Variants in NAV3 observed in about 807,000 individuals in gnomAD.
The protein encoded by NAV3 is neuron navigator 3, also known as pore membrane and/or filament interacting like protein 1.
NAV3 carries 87 observed loss-of-function variants against 244.7 expected under a neutral mutation model. That is an observed-to-expected ratio of 0.36 (90% confidence interval 0.30 to 0.42). The LOEUF is 0.42. Among genes scored for constraint, NAV3 ranks in the 20% least tolerant of loss-of-function variants. The pLI, the probability that NAV3 is intolerant of heterozygous loss-of-function variation, is 1.00. For missense variants in NAV3, 2,663 were observed against 2,893.3 expected (o/e 0.92, Z 1.83); for synonymous variants, 1,126 against 1,042.2 (o/e 1.08, Z -1.55).
intron 22 of NAV3, among the ~76,000 whole-genome samples, chr12:78,156,528 T>C (rs1223657943): frequency 6.6e-6 from 1 of 152,112 alleles, no homozygotes; most frequent in Non-Finnish European, 1.5e-5. Context: ...TTAATTCATA[T>C]TAAATTGATA....
In NAV3 at chr12:78,122,538, A is replaced by G. The variant is rs966960505; in HGVS notation, c.4238+110A>G. 5 of 1,329,762 alleles carry G rather than the reference A, an allele frequency of 3.8e-6. No homozygotes were observed. The African/African-American group carries it at 7.3e-5, about 20-fold the overall frequency. The allele number at this position is 1,329,762 out of a possible 1,614,324, so 82.4% of individuals were successfully genotyped here. A position where few individuals can be genotyped will look rare whatever the true frequency, so the allele number is the denominator to read the frequency against. ...TTCACTGTGAGTGCCCCGGTGCAAA[A>G]AGATGTAAGACTGATGAAACCGGGC... On this transcript the variant is annotated intron_variant, in intron 16 of 39. Transcript: ENST00000397909.
intron 2 of NAV3, among the ~76,000 whole-genome samples, chr12:77,757,294 A>T (rs1203383899): frequency 6.6e-6 from 1 of 152,184 alleles, no homozygotes; most frequent in African/African-American, 2.4e-5. Flanking sequence ...TCAAGCCTGA[A>T]GATAACTTTA....
chr12:78,118,927 T>C (rs1955542647), intron 14 of NAV3, among the ~76,000 whole-genome samples: 1 of 152,246 alleles, frequency 6.6e-6, no homozygotes, highest in African/African-American at 2.4e-5. Flanking sequence ...ATGAATTCTT[T>C]TTCTAGTAAT....
intron 1 of NAV3, among the ~76,000 whole-genome samples, chr12:77,859,334 C>T (rs138520453): frequency 1.3e-5 from 2 of 152,096 alleles, no homozygotes; most frequent in Non-Finnish European, 2.9e-5. Flanking sequence ...CTACTGTAAA[C>T]GTGTTTCAGA....
chr12:77,595,155 CA>C (rs1326566183), intron 2 of NAV3, among the ~76,000 whole-genome samples: 2 of 151,860 alleles, frequency 1.3e-5, no homozygotes, highest in African/African-American at 4.8e-5. Flanking sequence ...GGAAATAACC[CA>C]AGTGTTCATT....
intron 2 of NAV3, among the ~76,000 whole-genome samples, chr12:77,721,834 G>A (rs1412445261): frequency 6.6e-6 from 1 of 152,082 alleles, no homozygotes; most frequent in East Asian, 1.9e-4. Context: ...TAAAATACAT[G>A]TGTCATTATT....
chr12:78,173,626 C>G (rs993672176), intron 24 of NAV3, among the ~76,000 whole-genome samples: 37 of 151,476 alleles, frequency 2.4e-4, no homozygotes, highest in Admixed American at 3.3e-4. Context: ...ATTAAAACCT[C>G]CTACATGAAA....
Position 77,859,567 on chromosome 12 carries a change from A to G in NAV3, c.243+27863A>G, listed in dbSNP as rs527862706. ...GCACCAGCATGGCACATGTATATGT[A>G]TGTTACTAACCTGCACAATGTGCAC... On this transcript the variant is annotated intron_variant, in intron 1 of 39. Coordinates refer to ENST00000397909, the MANE Select transcript of NAV3 (RefSeq NM_001024383.2). 2.2e-3 allele frequency among the ~76,000 whole-genome samples: 336 copies of G among 151,190 alleles called. 1 individual carries two copies. Among genetic ancestry groups the G allele is most frequent in the Non-Finnish European group, 4.0e-3 (270 of 67,784 alleles).
At chr12:77,905,597 A>G (rs1310995488) in intron 1 of NAV3, among the ~76,000 whole-genome samples, 3 of 151,966 alleles carry the variant, frequency 2.0e-5, no homozygotes, top group African/African-American at 7.2e-5. Context: ...TTTTCTTTCT[A>G]CATATTAAGT....
At chr12:78,034,561 T>A (rs1457554645) in intron 9 of NAV3, among the ~76,000 whole-genome samples, 1 of 152,218 alleles carries the variant, frequency 6.6e-6, no homozygotes, top group Non-Finnish European at 1.5e-5. Flanking sequence ...GGCATAAATA[T>A]TGCTTTTATT....
At chr12:78,155,447 C>A (rs1287336906) in intron 22 of NAV3, among the ~76,000 whole-genome samples, 1 of 152,004 alleles carries the variant, frequency 6.6e-6, no homozygotes, top group Non-Finnish European at 1.5e-5. Context: ...GATTTCATGT[C>A]TTTGCTATTG....
At chr12:78,061,581 A>C (rs1226351984) in intron 12 of NAV3, among the ~76,000 whole-genome samples, 2 of 152,114 alleles carry the variant, frequency 1.3e-5, no homozygotes, top group African/African-American at 4.8e-5. Context: ...TTTTTAAAAA[A>C]ATTACAGATA....
intron 28 of NAV3, 55 bp downstream of exon 28, chr12:78,177,740 A>C: frequency 2.0e-6 from 3 of 1,508,800 alleles, no homozygotes; most frequent in Non-Finnish European, 2.7e-6. Flanking sequence ...TAACCTAAGT[A>C]GTGTTTGCTT....
At chr12:78,160,944 T>G (rs1458378692) in intron 23 of NAV3, among the ~76,000 whole-genome samples, 1 of 150,028 alleles carries the variant, frequency 6.7e-6, no homozygotes, top group Non-Finnish European at 1.5e-5. Context: ...CCTTACACCC[T>G]TTCTTCCTTC....
intron 34 of NAV3, among the ~76,000 whole-genome samples, chr12:78,196,861 T>C (rs531493588): frequency 2.6e-5 from 4 of 152,090 alleles, no homozygotes; most frequent in East Asian, 1.9e-4. Flanking sequence ...AATTTACTTT[T>C]ATCATTGAAT....
intron 2 of NAV3, among the ~76,000 whole-genome samples, chr12:77,660,015 C>T (rs920298846): frequency 2.6e-5 from 4 of 151,046 alleles, no homozygotes; most frequent in African/African-American, 7.3e-5. Context: ...TGCTAGATGA[C>T]GAGTTAGTGG....
intron 2 of NAV3, among the ~76,000 whole-genome samples, chr12:77,792,437 T>C (rs1332734669): frequency 6.6e-6 from 1 of 152,150 alleles, no homozygotes; most frequent in East Asian, 1.9e-4. Context: ...ATGGTGGCCA[T>C]GAGTATGTGT....
chr12:77,623,675 C>G (rs186492322), intron 2 of NAV3, among the ~76,000 whole-genome samples: 9 of 152,248 alleles, frequency 5.9e-5, no homozygotes, highest in Non-Finnish European at 2.9e-5. Context: ...CTTGTTGTCT[C>G]GAAGAATACT....
chr12:77,904,642 AT>A (rs1322156712), intron 1 of NAV3, among the ~76,000 whole-genome samples: 5 of 151,942 alleles, frequency 3.3e-5, no homozygotes, highest in Non-Finnish European at 7.4e-5. Flanking sequence ...TTAAAGTATA[AT>A]TTTTTAAAAA....
Sources: gnomAD v4.1 joint callset for allele counts (sites outside exome capture counted in the v4.1 genomes callset) on GRCh38, gnomAD v4.1.1 for gene constraint, MANE v1.5 for transcripts, NCBI Gene and HGNC (gene_info 2026-07-23, HGNC 2026-07-21) for gene names.